The following STAB2 variants were observed in gnomAD, a reference collection of about 807,000 sequenced individuals.
STAB2 encodes stabilin 2, also known as stabilin-2.
Under a neutral mutation model 338.1 loss-of-function variants are expected in STAB2, and 288 were observed. The observed-to-expected ratio is 0.85, with a 90% CI of 0.77 to 0.94. The LOEUF (loss-of-function observed/expected upper bound fraction) is 0.94, where lower values mean the gene tolerates loss of function less well. STAB2 is among the 40% of genes least tolerant of loss of function. The pLI, the probability that STAB2 is intolerant of heterozygous loss-of-function variation, is 0.00. For synonymous variants in STAB2, 1,202 were observed against 1,193.3 expected (o/e 1.01, Z -0.15); for missense variants, 3,141 against 3,210.1 (o/e 0.98, Z 0.52).
In STAB2 at chr12:103,726,151, CT is replaced by C; in HGVS notation, c.4841del (p.Phe1614SerfsTer8). ...PKNPKTSQYFFQLQEHFVKDL... is the reference protein window; with the variant it reads ...PKNPKTSQYFXQLQEHFVKDL... ...AGAACCCGAAAACTTCCCAGTATTT[CT>C]TCCAGTTGCAGGTAGGAAATATACA... On this transcript the variant is annotated frameshift_variant, in exon 46 of 69. Coordinates refer to ENST00000388887, the MANE Select transcript of STAB2 (RefSeq NM_017564.10). LOFTEE classifies it high-confidence loss of function. The C allele has an allele frequency of 6.2e-7, 1 of 1,613,956 alleles. No individual in the cohort carries two copies. The highest frequency in any genetic ancestry group is 8.5e-7 in the Non-Finnish European group (1 of 1,179,874).
At chr12:103,697,230 G>C (rs529565225) in intron 33 of STAB2, among the ~76,000 whole-genome samples, 75 of 152,256 alleles carry the variant, frequency 4.9e-4, no homozygotes, top group African/African-American at 1.2e-3. Context: ...AGGATGAACT[G>C]TCTTCTCAAA....
At chr12:103,733,273 G>C (rs1192234897) in intron 51 of STAB2, 91 bp downstream of exon 51, 2 of 1,446,150 alleles carry the variant, frequency 1.4e-6, no homozygotes, top group African/African-American at 2.8e-5. Context: ...GGAACTGTCA[G>C]TGTGTCCCTG....
chr12:103,641,000 A>G (rs982404105), intron 9 of STAB2, among the ~76,000 whole-genome samples: 3 of 152,230 alleles, frequency 2.0e-5, no homozygotes, highest in Admixed American at 6.5e-5. Flanking sequence ...CTGAAGCTAG[A>G]ACCCAAGTCT....
intron 3 of STAB2, among the ~76,000 whole-genome samples, chr12:103,610,545 A>AT (rs1957106170): frequency 6.6e-6 from 1 of 152,046 alleles, no homozygotes; most frequent in Non-Finnish European, 1.5e-5. Flanking sequence ...CGCCTTTATC[A>AT]TTTTTTATTG....
chr12:103,707,087 C>T (rs1427827025), intron 38 of STAB2, 100 bp downstream of exon 38: 25 of 1,372,296 alleles, frequency 1.8e-5, no homozygotes, highest in East Asian at 4.9e-5. Context: ...GCTGGCCTGT[C>T]GCCCCAAGTG....
intron 59 of STAB2, 107 bp downstream of exon 59, chr12:103,749,263 A>C: frequency 8.2e-7 from 1 of 1,225,114 alleles, no homozygotes; most frequent in South Asian, 1.9e-5. Context: ...CTTCCTAAAC[A>C]TTTTTTCTAG....
chr12:103,614,432 G>A (rs6539092), intron 3 of STAB2, among the ~76,000 whole-genome samples: 48,897 of 152,036 alleles, frequency 0.32, 10,018 homozygotes, highest in African/African-American at 0.58. Flanking sequence ...CTGACCTCTA[G>A]CCACTGGAGG....
rs148874629 is a variant in STAB2, at chr12:103,608,335, G to A, written c.332-12133G>A. Among the ~76,000 whole-genome samples, 328 of 152,212 alleles carry A rather than the reference G, an allele frequency of 2.2e-3. 2 individuals are homozygous for A. The highest frequency in any genetic ancestry group is 7.4e-3 in the African/African-American group (309 of 41,524). ...TTTTTTGTATTTTGAGTGGAGACAG[G>A]GTTTCACCGTGTTAGCCAGGATGGT... is the stretch of plus-strand genomic sequence containing the variant. On this transcript the variant is annotated intron_variant, in intron 3 of 68. Transcript: ENST00000388887.
At chr12:103,755,747 C>T (rs779387367) in intron 63 of STAB2, 29 bp downstream of exon 63, 1 of 1,611,480 alleles carries the variant, frequency 6.2e-7, no homozygotes, top group South Asian at 1.1e-5. Flanking sequence ...TGGTTTGCCT[C>T]AGGCAGGGAG....
chr12:103,676,912 A>G (rs756854973), intron 24 of STAB2, among the ~76,000 whole-genome samples: 1 of 152,108 alleles, frequency 6.6e-6, no homozygotes, highest in African/African-American at 2.4e-5. Flanking sequence ...ACCCCAGCCT[A>G]CAGATTCCTT....
At chr12:103,749,604 T>C (rs1304570256) in intron 59 of STAB2, among the ~76,000 whole-genome samples, 1 of 150,454 alleles carries the variant, frequency 6.6e-6, no homozygotes, top group African/African-American at 2.4e-5. Flanking sequence ...CCGAGGCAGA[T>C]GGATCACGAG....
At chr12:103,684,870 C>T in intron 26 of STAB2, 119 bp from the exon 27 acceptor site, 1 of 845,654 alleles carries the variant, frequency 1.2e-6, no homozygotes, top group Non-Finnish European at 1.9e-6. Flanking sequence ...GTTACTTCTA[C>T]CATCTTTCAG....
In STAB2 at chr12:103,591,015, G is replaced by A. The variant is rs780836004; in HGVS notation, c.200G>A (p.Gly67Glu). ...GYTMITSGSV[G>E]VRDCRYTFEV... ...ACCATGATTACCAGTGGCTCTGTAG[G>A]GGTTCGAGATTGCAGGTACTCATGA... The change falls in exon 2 of 69, where the codon GGG (glycine) becomes GAG (glutamate). Residue 67 changes from glycine (G) to glutamate (E), a missense_variant. Coordinates refer to ENST00000388887, the MANE Select transcript of STAB2 (RefSeq NM_017564.10). The A allele has an allele frequency of 6.2e-7, 1 of 1,613,892 alleles. No individual in the cohort carries two copies. Among genetic ancestry groups the A allele is most frequent in the Non-Finnish European group, 8.5e-7 (1 of 1,179,978 alleles).
chr12:103,730,087 A>T, intron 48 of STAB2, 29 bp from the exon 49 acceptor site: 2 of 1,556,832 alleles, frequency 1.3e-6, no homozygotes, highest in Non-Finnish European at 1.7e-6. Context: ...CTTTGCACTC[A>T]TTTCTTTTTT....
At chr12:103,665,333 A>C (rs2138787193) in intron 18 of STAB2, among the ~76,000 whole-genome samples, 1 of 152,330 alleles carries the variant, frequency 6.6e-6, no homozygotes, top group East Asian at 1.9e-4. Context: ...TAATAACAAC[A>C]CTGTACTAGT....
intron 1 of STAB2, among the ~76,000 whole-genome samples, chr12:103,589,467 A>T (rs1431372979): frequency 6.6e-6 from 1 of 152,164 alleles, no homozygotes; most frequent in Non-Finnish European, 1.5e-5. Context: ...TGCCCTGGAA[A>T]GGTCAAGGTT....
At chr12:103,661,960 AGAG>A (rs1874661325) in intron 17 of STAB2, among the ~76,000 whole-genome samples, 1 of 152,276 alleles carries the variant, frequency 6.6e-6, no homozygotes, top group African/African-American at 2.4e-5. Flanking sequence ...ACTTGGAATG[AGAG>A]GAGAAGCAGT....
intron 67 of STAB2, 176 bp from the exon 68 acceptor site, chr12:103,763,316 T>G: frequency 1.6e-6 from 1 of 632,802 alleles, no homozygotes; most frequent in Non-Finnish European, 2.8e-6. Context: ...AAGATGTCAC[T>G]GAGCTGAATC....
chr12:103,676,150 C>A, intron 24 of STAB2, 129 bp downstream of exon 24: 1 of 568,886 alleles, frequency 1.8e-6, no homozygotes, highest in Non-Finnish European at 2.9e-6. Context: ...CAACATCCGC[C>A]TCCCGGATTC....
Sources: allele counts gnomAD v4.1 joint callset (sites outside exome capture counted in the v4.1 genomes callset), GRCh38; gene constraint gnomAD v4.1.1; transcripts MANE v1.5; gene names NCBI Gene and HGNC (gene_info 2026-07-23, HGNC 2026-07-21).